The following PRKDC variants were observed in gnomAD, a reference collection of about 807,000 sequenced individuals.
PRKDC encodes the protein DNA-dependent protein kinase catalytic subunit.
In PRKDC, 82 loss-of-function variants were observed where a neutral mutation model predicts 486.9. That is an observed-to-expected ratio of 0.17 (90% CI 0.14 to 0.20). The LOEUF is 0.20. PRKDC is among the 10% of genes least tolerant of loss of function. The probability of loss-of-function intolerance (pLI) is 1.00; values close to 1 mark genes in which losing one functional copy is unlikely to be tolerated. For synonymous variants in PRKDC, 1,895 were observed against 1,837.0 expected (o/e 1.03, Z -0.81); for missense variants, 4,504 against 5,038.2 (o/e 0.89, Z 3.21).
rs905751463 is a variant in PRKDC at position 47,821,645 on chromosome 8, G to C, written c.9070C>G (p.Pro3024Ala). 5 of 1,602,518 alleles carry C rather than the reference G, an allele frequency of 3.1e-6. No individual in the cohort carries two copies. Among genetic ancestry groups the C allele is most frequent in the Middle Eastern group, 1.7e-4 (1 of 6,052 alleles). Residue 3024 changes from proline (P) to alanine (A), a missense_variant, in exon 65 of 86, where the codon CCC becomes GCC. Physicochemically the swap from Pro to Ala is conservative, Grantham distance 27. Transcript: ENST00000314191. ...CSTASIDSEN[P>A]PDLNKIWSEP... is the part of the protein sequence containing the mutation. ...CTCCAGATTTTATTTAGGTCTGGGGGGTTCTCACTGTCTATACTGGCTGTA... is the reference window on the plus strand; with the variant it reads ...CTCCAGATTTTATTTAGGTCTGGGGCGTTCTCACTGTCTATACTGGCTGTA...
At chr8:47,909,901 A>G (rs916048967) in intron 25 of PRKDC, among the ~76,000 whole-genome samples, 2 of 152,194 alleles carry the variant, frequency 1.3e-5, no homozygotes, top group African/African-American at 4.8e-5. Context: ...GATGTTTATC[A>G]AGACAATCCA....
At chr8:47,935,675 C>A (rs1589804015) in intron 13 of PRKDC, 57 bp downstream of exon 13, 3 of 1,547,914 alleles carry the variant, frequency 1.9e-6, no homozygotes, top group African/African-American at 2.7e-5. Context: ...TTACCTATAT[C>A]AAATAATGTG....
chr8:47,879,702 T>C, intron 38 of PRKDC, 44 bp from the exon 39 acceptor site: 1 of 1,436,174 alleles, frequency 7.0e-7, no homozygotes, highest in Non-Finnish European at 9.2e-7. Context: ...AATTATGGCT[T>C]ATATATCCTA....
In PRKDC at chr8:47,785,242, T is replaced by C. The variant is rs576654845; in HGVS notation, c.10978A>G (p.Asn3660Asp). The change falls in exon 77 of 86, where the codon AAC becomes GAC. Residue 3660 changes from asparagine (N) to aspartate (D), a missense_variant. Physicochemically the swap from Asn to Asp is conservative, Grantham distance 23. Coordinates refer to ENST00000314191, the MANE Select transcript of PRKDC (RefSeq NM_006904.7). ...KLLRMKLSDFNDITNMLLLKM... is the reference protein window; with the variant it reads ...KLLRMKLSDFDDITNMLLLKM... ...AAAAGTAGCATGTTGGTAATGTCGT[T>C]GAAGTCACTGAGCTTCATTCTCAGT... 1.2e-6 allele frequency: 2 copies of C among 1,613,724 alleles called. No individual in the cohort carries two copies. The highest frequency in any genetic ancestry group is 2.7e-5 in the African/African-American group (2 of 75,048).
chr8:47,775,343 G>A (rs2086589287), intron 85 of PRKDC, among the ~76,000 whole-genome samples: 1 of 144,516 alleles, frequency 6.9e-6, no homozygotes, highest in East Asian at 2.0e-4. Flanking sequence ...TTAAAGAAAT[G>A]TCAGTTCAAG....
chr8:47,937,158 G>A (rs1056132849), intron 11 of PRKDC, among the ~76,000 whole-genome samples: 3 of 151,638 alleles, frequency 2.0e-5, no homozygotes, highest in Non-Finnish European at 4.4e-5. Context: ...CTACTCAAGA[G>A]GCTGAGGCAG....
intron 36 of PRKDC, among the ~76,000 whole-genome samples, chr8:47,883,586 G>T (rs773287405): frequency 6.6e-6 from 1 of 152,114 alleles, no homozygotes; most frequent in Non-Finnish European, 1.5e-5. Context: ...CTTTTCTCTC[G>T]TGTTTTCTGT....
intron 31 of PRKDC, 70 bp from the exon 32 acceptor site, chr8:47,890,550 C>T (rs1435965753): frequency 4.8e-6 from 6 of 1,252,454 alleles, no homozygotes; most frequent in East Asian, 2.6e-5. Flanking sequence ...CATAAAATTG[C>T]TTCTGTAAGT....
chr8:47,794,628 T>G (rs906315004), intron 73 of PRKDC, 127 bp from the exon 74 acceptor site: 7 of 788,182 alleles, frequency 8.9e-6, no homozygotes, highest in Non-Finnish European at 1.4e-5. Flanking sequence ...AAGTCTTCCA[T>G]CCCCTAGCTC....
At chr8:47,824,468 CAAAAAAA>C (rs11369602) in intron 63 of PRKDC, among the ~76,000 whole-genome samples, 1 of 37,692 alleles carries the variant, frequency 2.7e-5, no homozygotes, top group Non-Finnish European at 4.7e-5. Flanking sequence ...GACTCCGCCT[CAAAAAAA>C]AAAAAAAAAA....
At chr8:47,846,415 C>CAAAAAA (rs200554979) in intron 54 of PRKDC, among the ~76,000 whole-genome samples, 1 of 59,686 alleles carries the variant, frequency 1.7e-5, no homozygotes, top group Admixed American at 1.7e-4. Context: ...GACTCTGCCT[C>CAAAAAA]AAAAAAAAAA....
At chr8:47,911,172 G>A (rs935921437) in intron 25 of PRKDC, among the ~76,000 whole-genome samples, 1 of 152,182 alleles carries the variant, frequency 6.6e-6, no homozygotes, top group African/African-American at 2.4e-5. Flanking sequence ...AGTGTCTTTT[G>A]ATTGCCAAGT....
At chr8:47,898,759 C>A (rs942015804) in intron 28 of PRKDC, among the ~76,000 whole-genome samples, 190 bp from the exon 29 acceptor site, 5 of 152,166 alleles carry the variant, frequency 3.3e-5, no homozygotes, top group African/African-American at 9.7e-5. Context: ...AAAATGAACA[C>A]AAAACCCCTA....
chr8:47,882,976 C>G (rs1211134482), intron 36 of PRKDC, among the ~76,000 whole-genome samples: 1 of 152,236 alleles, frequency 6.6e-6, no homozygotes, highest in Non-Finnish European at 1.5e-5. Context: ...AGCTCTTGAT[C>G]TGCAATGCTG....
At chr8:47,798,815 C>CTT (rs1168719883) in intron 72 of PRKDC, among the ~76,000 whole-genome samples, 1 of 146,562 alleles carries the variant, frequency 6.8e-6, no homozygotes, top group Admixed American at 6.8e-5. Flanking sequence ...TTGTCTCTCT[C>CTT]TTTTTTTTTT....
intron 36 of PRKDC, among the ~76,000 whole-genome samples, chr8:47,883,827 C>T (rs980257993): frequency 6.6e-6 from 1 of 152,224 alleles, no homozygotes; most frequent in Non-Finnish European, 1.5e-5. Context: ...GCCTGTGTCC[C>T]GCTACGCCCT....
At chr8:47,795,088 A>G (rs1021105934) in intron 73 of PRKDC, among the ~76,000 whole-genome samples, 1 of 151,606 alleles carries the variant, frequency 6.6e-6, no homozygotes, top group African/African-American at 2.4e-5. Flanking sequence ...GGGTTTCACC[A>G]TGTTGGCCAG....
intron 50 of PRKDC, 29 bp from the exon 51 acceptor site, chr8:47,854,243 G>T (rs1215154119): frequency 1.9e-6 from 3 of 1,607,718 alleles, no homozygotes; most frequent in Non-Finnish European, 2.6e-6. Context: ...GGAGAAAATT[G>T]AGACTGTTGC....
In PRKDC at chr8:47,916,972, T is replaced by G. The variant is rs141958948; in HGVS notation, c.2526+1305A>C. ...AGGCATTGTGTATCTGTACAAAAAT[T>G]TTGGCAAAGCACAGTGGCACACGTC... On this transcript the variant is annotated intron_variant, in intron 22 of 85. Coordinates refer to ENST00000314191, the MANE Select transcript of PRKDC (RefSeq NM_006904.7). 3.8e-3 allele frequency among the ~76,000 whole-genome samples: 581 copies of G among 152,146 alleles called. 4 individuals are homozygous for G. Among genetic ancestry groups the G allele is most frequent in the South Asian group, 0.025 (119 of 4,824 alleles).
Sources: gnomAD v4.1 joint callset for allele counts (sites outside exome capture counted in the v4.1 genomes callset) on GRCh38, gnomAD v4.1.1 for gene constraint, MANE v1.5 for transcripts, NCBI Gene and HGNC (gene_info 2026-07-23, HGNC 2026-07-21) for gene names.